The following RGS7 variants were observed in gnomAD, a reference collection of about 807,000 sequenced individuals.
The protein encoded by RGS7 is regulator of G protein signaling 7, also known as regulator of G-protein signaling 7.
In RGS7, 27 loss-of-function variants were observed where a neutral mutation model predicts 81.1. That is an observed-to-expected ratio of 0.33 (90% confidence interval 0.25 to 0.46). RGS7 has a LOEUF of 0.46. RGS7 is among the 20% of genes least tolerant of loss of function. The pLI is 1.00. For missense variants in RGS7, 396 were observed against 607.4 expected, an observed-to-expected ratio of 0.65 and a Z score of 3.66; for synonymous variants, 208 against 207.7, an observed-to-expected ratio of 1.00 and a Z score of -0.01.
At chr1:240,902,080 C>T (rs914602625) in intron 6 of RGS7, among the ~76,000 whole-genome samples, 13 of 152,048 alleles carry the variant, frequency 8.5e-5, no homozygotes, top group Non-Finnish European at 1.6e-4. Context: ...GGAAGTTGTC[C>T]CACAAAATGG....
chr1:241,076,939 G>A (rs892929303), intron 3 of RGS7, among the ~76,000 whole-genome samples: 1 of 152,184 alleles, frequency 6.6e-6, no homozygotes, highest in Non-Finnish European at 1.5e-5. Flanking sequence ...CTTCAGTTGA[G>A]GAAAGAGGTC....
chr1:241,237,717 C>T (rs1012793407), intron 2 of RGS7, among the ~76,000 whole-genome samples: 1 of 152,108 alleles, frequency 6.6e-6, no homozygotes, highest in African/African-American at 2.4e-5. Context: ...AGAGCAGTTC[C>T]GCCTGTACCT....
At chr1:241,177,274 C>T (rs1032124850) in intron 2 of RGS7, among the ~76,000 whole-genome samples, 34 of 152,054 alleles carry the variant, frequency 2.2e-4, no homozygotes, top group African/African-American at 7.7e-4. Flanking sequence ...ACTGGAGTGA[C>T]GAGAAGAAGC....
chr1:241,355,675 C>T, intron 2 of RGS7, 24 bp downstream of exon 2: 1 of 1,605,944 alleles, frequency 6.2e-7, no homozygotes, highest in Non-Finnish European at 8.5e-7. Flanking sequence ...TTCCCGTTTT[C>T]CAAGAAACTG....
chr1:241,272,624 A>G (rs2077977333), intron 2 of RGS7, among the ~76,000 whole-genome samples: 1 of 152,086 alleles, frequency 6.6e-6, no homozygotes, highest in Non-Finnish European at 1.5e-5. Context: ...CTTTAAGTTT[A>G]ATATCTCTCC....
At chr1:240,838,296 A>G (rs1695034554) in intron 9 of RGS7, among the ~76,000 whole-genome samples, 1 of 152,170 alleles carries the variant, frequency 6.6e-6, no homozygotes. Flanking sequence ...AATCCCATTC[A>G]AGAGGAAAGA....
At chr1:241,072,170 C>T (rs1477876493) in intron 3 of RGS7, among the ~76,000 whole-genome samples, 1 of 151,906 alleles carries the variant, frequency 6.6e-6, no homozygotes, top group Non-Finnish European at 1.5e-5. Context: ...GTAAAAGCTA[C>T]ATTTTTCATT....
At chr1:241,187,634 G>C (rs749328857) in intron 2 of RGS7, among the ~76,000 whole-genome samples, 1 of 152,166 alleles carries the variant, frequency 6.6e-6, no homozygotes, top group Non-Finnish European at 1.5e-5. Context: ...GAATGCCAAA[G>C]TTCTCATCTT....
At chr1:241,174,900 T>G (rs904351844) in intron 2 of RGS7, among the ~76,000 whole-genome samples, 30 of 129,030 alleles carry the variant, frequency 2.3e-4, no homozygotes, top group Non-Finnish European at 3.5e-4. Flanking sequence ...ATTTTGTTTT[T>G]TTTTTTTTTT....
chr1:241,136,725 C>T (rs1204062366), intron 2 of RGS7, among the ~76,000 whole-genome samples: 7 of 152,130 alleles, frequency 4.6e-5, no homozygotes, highest in African/African-American at 9.7e-5. Context: ...CTTTTGGACA[C>T]TGCCTTAGTT....
rs191405217 is a variant in RGS7, at chr1:241,028,845, C to T, written c.176-45716G>A. Among the ~76,000 whole-genome samples, 15 of 152,174 alleles carry T rather than the reference C, an allele frequency of 9.9e-5. No homozygotes were observed. The East Asian group carries it at 1.5e-3, about 16-fold the overall frequency. ...ATCATAATGACATAAATCATAAAAC[C>T]GATGCGACGATGACTACCAAGGCCA... On this transcript the variant is annotated intron_variant, in intron 3 of 18. Coordinates refer to ENST00000440928, the MANE Select transcript of RGS7 (RefSeq NM_001364886.1).
At position 241,220,988 on chromosome 1, in the gene RGS7, AGG is replaced by A. The variant is rs2074900873; in HGVS notation, c.79-122228_79-122227del. ...AAGGAAGGAAGGAAGGAAGGAAGGA[AGG>A]AAGGAAGAGAGAGAGAAAGGAAGGA... On this transcript the variant is annotated intron_variant, in intron 2 of 18. Coordinates refer to ENST00000440928, the MANE Select transcript of RGS7 (RefSeq NM_001364886.1). Among the ~76,000 whole-genome samples, 3 of 78,180 alleles carry A rather than the reference AGG, an allele frequency of 3.8e-5. 1 individual carries two copies. The Middle Eastern group carries it at 0.015, about 387-fold the overall frequency. The allele number at this position is 78,180 out of a possible 152,430, so 51.3% of individuals were successfully genotyped here. A position where few individuals can be genotyped will look rare whatever the true frequency, so the allele number is the denominator to read the frequency against.
chr1:241,181,495 A>G (rs1031481892), intron 2 of RGS7, among the ~76,000 whole-genome samples: 1 of 152,208 alleles, frequency 6.6e-6, no homozygotes, highest in Non-Finnish European at 1.5e-5. Context: ...AATGTTCAAT[A>G]AATGCCAGCT....
chr1:240,882,809 C>T (rs989201806), intron 6 of RGS7, among the ~76,000 whole-genome samples: 1 of 152,128 alleles, frequency 6.6e-6, no homozygotes, highest in Non-Finnish European at 1.5e-5. Flanking sequence ...CATCCCTAAA[C>T]TACATTACAG....
intron 2 of RGS7, among the ~76,000 whole-genome samples, chr1:241,145,225 C>T (rs1190540519): frequency 6.6e-6 from 1 of 151,960 alleles, no homozygotes; most frequent in Non-Finnish European, 1.5e-5. Context: ...ACCATGTTGG[C>T]CAGGCTGGTC....
intron 2 of RGS7, among the ~76,000 whole-genome samples, chr1:241,202,762 G>A (rs1251131521): frequency 2.6e-5 from 4 of 151,654 alleles, no homozygotes; most frequent in African/African-American, 7.3e-5. Context: ...AAGTGGGGAG[G>A]AGTGTAGGGG....
At chr1:240,876,836 C>T (rs1244199775) in intron 6 of RGS7, among the ~76,000 whole-genome samples, 1 of 152,092 alleles carries the variant, frequency 6.6e-6, no homozygotes, top group Non-Finnish European at 1.5e-5. Context: ...TGGTGCACAC[C>T]TGTAATCCCA....
chr1:241,349,091 C>CGAT (rs1453874575), intron 2 of RGS7, among the ~76,000 whole-genome samples: 1 of 152,156 alleles, frequency 6.6e-6, no homozygotes, highest in Non-Finnish European at 1.5e-5. Context: ...TTTCCCCAGG[C>CGAT]TATCCCATTC....
Position 241,156,169 on chromosome 1 carries a change from G to GATACATACATAC in RGS7, c.79-57408_79-57407insGTATGTATGTAT, listed in dbSNP as rs1345706149. 9.5e-3 allele frequency among the ~76,000 whole-genome samples: 1,358 copies of GATACATACATAC among 142,850 alleles called. 24 individuals carry two copies. The highest frequency in any genetic ancestry group is 0.033 in the African/African-American group (1,315 of 39,968). 93.7% of individuals were successfully genotyped at this position (142,850 alleles called of 152,430 possible). ...AGATAGATAGATAGATAGATAGATAGATACATATACATAGACAGACAGACA... is the reference window on the plus strand; with the variant it reads ...AGATAGATAGATAGATAGATAGATAGATACATACATACATACATATACATAGACAGACAGACA... On this transcript the variant is annotated intron_variant, in intron 2 of 18. Transcript: ENST00000440928.
Sources: allele counts gnomAD v4.1 joint callset (sites outside exome capture counted in the v4.1 genomes callset), GRCh38; gene constraint gnomAD v4.1.1; transcripts MANE v1.5; gene names NCBI Gene and HGNC (gene_info 2026-07-23, HGNC 2026-07-21).